Variants in ELAPOR2 observed in about 807,000 individuals in gnomAD.
ELAPOR2 encodes endosome/lysosome-associated apoptosis and autophagy regulator family member 2.
ELAPOR2 carries 89 observed loss-of-function variants against 120.7 expected under a neutral mutation model. That is an observed-to-expected ratio of 0.74 (90% CI 0.62 to 0.88). ELAPOR2 has a LOEUF of 0.88. ELAPOR2 is among the 40% of genes least tolerant of loss of function. The pLI, the probability that ELAPOR2 is intolerant of heterozygous loss-of-function variation, is 0.00. For missense variants in ELAPOR2, 1,134 were observed against 1,251.6 expected (o/e 0.91, Z 1.42); for synonymous variants, 444 against 444.9 (o/e 1.00, Z 0.03).
intron 1 of ELAPOR2, among the ~76,000 whole-genome samples, chr7:86,971,880 A>C (rs1291388617): frequency 6.6e-6 from 1 of 152,164 alleles, no homozygotes; most frequent in African/African-American, 2.4e-5. Flanking sequence ...ATCTAGAAAC[A>C]GAAAGACTGG....
Position 86,915,237 on chromosome 7 carries a change from A to G in ELAPOR2, c.1594-377T>C, listed in dbSNP as rs573250432. On this transcript the variant is annotated intron_variant, in intron 12 of 21. Coordinates refer to ENST00000450689, the MANE Select transcript of ELAPOR2 (RefSeq NM_001142749.3). ...CTTCTTACAATAAACTTCTAAAGTT[A>G]TCATTGAATGGAAAGCCTTCAAATT... Among the ~76,000 whole-genome samples the G allele has an allele frequency of 2.0e-5, 3 of 152,278 alleles. No individual in the cohort carries two copies. In the South Asian group the frequency reaches 6.2e-4, roughly 32 times the overall value.
chr7:86,944,850 T>C (rs1194313585), intron 4 of ELAPOR2, 49 bp downstream of exon 4: 1 of 1,440,738 alleles, frequency 6.9e-7, no homozygotes, highest in Admixed American at 2.8e-5. Flanking sequence ...AAGGGAAATT[T>C]ACATGAATGT....
At chr7:86,978,054 C>T (rs921790344) in intron 1 of ELAPOR2, among the ~76,000 whole-genome samples, 4 of 152,284 alleles carry the variant, frequency 2.6e-5, no homozygotes, top group South Asian at 4.1e-4. Flanking sequence ...TAATTGTAAT[C>T]GCCATAATTT....
At chr7:86,935,998 T>C (rs1392623945) in intron 8 of ELAPOR2, among the ~76,000 whole-genome samples, 2 of 152,068 alleles carry the variant, frequency 1.3e-5, no homozygotes, top group Admixed American at 6.6e-5. Flanking sequence ...AACACTCCTA[T>C]GTCATGTCGA....
intron 21 of ELAPOR2, among the ~76,000 whole-genome samples, chr7:86,881,611 C>T (rs1393411568): frequency 1.3e-5 from 2 of 152,126 alleles, no homozygotes; most frequent in Non-Finnish European, 2.9e-5. Context: ...CCACCTCGGC[C>T]TCCCAAAGTG....
At chr7:86,935,751 G>A (rs1790536189) in intron 8 of ELAPOR2, among the ~76,000 whole-genome samples, 1 of 151,852 alleles carries the variant, frequency 6.6e-6, no homozygotes, top group Non-Finnish European at 1.5e-5. Flanking sequence ...TCTATCCTTA[G>A]CTCTGCCCTC....
chr7:86,891,820 G>C lies in ELAPOR2; in HGVS notation c.2934C>G (p.Asp978Glu). 1 of 1,611,906 alleles carries C rather than the reference G, an allele frequency of 6.2e-7. No individual in the cohort carries two copies. Among genetic ancestry groups the C allele is most frequent in the Non-Finnish European group, 8.5e-7 (1 of 1,178,702 alleles). ...CTTCTCCTTCCATGATAGCACAACT[G>C]TCTGCAGCCGGGAGTTCACACTCTT... is the stretch of plus-strand genomic sequence containing the variant. ...NSKECELPAA[D>E]SCAIMEGEDN... is the part of the protein sequence containing the mutation. Residue 978 changes from aspartate (D) to glutamate (E), a missense_variant, in exon 21 of 22, where the codon GAC (aspartate) becomes GAG (glutamate). Asp to Glu is a conservative substitution (Grantham distance 45). Transcript: ENST00000450689.
chr7:87,000,827 A>T (rs1793293036), intron 1 of ELAPOR2, among the ~76,000 whole-genome samples: 1 of 152,206 alleles, frequency 6.6e-6, no homozygotes. Flanking sequence ...GACCTGGAAC[A>T]GTTGCACATT....
At chr7:86,933,624 G>A (rs1790431005) in intron 8 of ELAPOR2, among the ~76,000 whole-genome samples, 1 of 151,950 alleles carries the variant, frequency 6.6e-6, no homozygotes, top group South Asian at 2.1e-4. Context: ...TCTAGTTCCA[G>A]GATGTTTACC....
intron 1 of ELAPOR2, among the ~76,000 whole-genome samples, chr7:87,045,561 G>T (rs1794926393): frequency 1.4e-5 from 2 of 143,502 alleles, no homozygotes; most frequent in Non-Finnish European, 3.0e-5. Flanking sequence ...TGAACAGTGA[G>T]ATCACATGGA....
chr7:87,058,145 T>A (rs931388785), intron 1 of ELAPOR2, among the ~76,000 whole-genome samples: 1 of 152,250 alleles, frequency 6.6e-6, no homozygotes, highest in Non-Finnish European at 1.5e-5. Context: ...CATTTCAGTC[T>A]GTCCTGGGAC....
At chr7:86,906,186 G>C (rs1789004268) in intron 18 of ELAPOR2, among the ~76,000 whole-genome samples, 1 of 152,098 alleles carries the variant, frequency 6.6e-6, no homozygotes, top group Admixed American at 6.6e-5. Flanking sequence ...ACTCAGAACT[G>C]TATGATGGCA....
chr7:86,918,711 C>T (rs1035691654), intron 11 of ELAPOR2, among the ~76,000 whole-genome samples, 167 bp from the exon 12 acceptor site: 1 of 152,122 alleles, frequency 6.6e-6, no homozygotes, highest in African/African-American at 2.4e-5. Flanking sequence ...CCTGTCCACA[C>T]CCTTTGTAGA....
intron 1 of ELAPOR2, among the ~76,000 whole-genome samples, chr7:87,052,823 G>T (rs1213247022): frequency 2.7e-5 from 3 of 110,276 alleles, no homozygotes; most frequent in Admixed American, 9.6e-5. Context: ...TTGAGACAGG[G>T]TCTTGCTCTG....
At chr7:86,962,946 T>C (rs942989683) in intron 2 of ELAPOR2, among the ~76,000 whole-genome samples, 1 of 152,198 alleles carries the variant, frequency 6.6e-6, no homozygotes, top group Non-Finnish European at 1.5e-5. Flanking sequence ...GCCTATTAAC[T>C]TACTTGTGAG....
intron 1 of ELAPOR2, among the ~76,000 whole-genome samples, chr7:87,040,040 C>T (rs184982706): frequency 6.6e-6 from 1 of 152,246 alleles, no homozygotes; most frequent in Non-Finnish European, 1.5e-5. Context: ...GTCACTCCCA[C>T]TCGAATACTG....
intron 10 of ELAPOR2, among the ~76,000 whole-genome samples, chr7:86,925,083 A>G (rs1272223855): frequency 1.3e-5 from 2 of 152,056 alleles, no homozygotes; most frequent in Non-Finnish European, 1.5e-5. Flanking sequence ...TAGAATTCAT[A>G]TATACTTTGT....
chr7:86,939,267 T>C (rs904820809), intron 6 of ELAPOR2, among the ~76,000 whole-genome samples: 2 of 152,088 alleles, frequency 1.3e-5, no homozygotes, highest in Non-Finnish European at 2.9e-5. Flanking sequence ...TCCAATTCTA[T>C]AGGGCTATAA....
chr7:87,001,305 A>G (rs1793308001), intron 1 of ELAPOR2, among the ~76,000 whole-genome samples: 1 of 152,114 alleles, frequency 6.6e-6, no homozygotes, highest in Non-Finnish European at 1.5e-5. Flanking sequence ...CCTGTTCAGG[A>G]CTCTGGGATG....
Sources: gnomAD v4.1 joint callset for allele counts (sites outside exome capture counted in the v4.1 genomes callset) on GRCh38, gnomAD v4.1.1 for gene constraint, MANE v1.5 for transcripts, NCBI Gene and HGNC (gene_info 2026-07-23, HGNC 2026-07-21) for gene names.